Variants in KATNA1 observed in about 807,000 individuals in gnomAD.
KATNA1 encodes the protein katanin catalytic subunit A1.
Under a neutral mutation model 62.6 loss-of-function variants are expected in KATNA1, and 42 were observed. That is an observed-to-expected ratio of 0.67 (90% CI 0.52 to 0.87). The LOEUF (loss-of-function observed/expected upper bound fraction) is 0.87. Ranked by LOEUF, KATNA1 falls within the 40% of genes least tolerant of loss-of-function variation. KATNA1 has a pLI of 0.00. For missense variants in KATNA1, 498 were observed against 612.5 expected, an observed-to-expected ratio of 0.81 and a Z score of 1.97; for synonymous variants, 186 against 201.9, an observed-to-expected ratio of 0.92 and a Z score of 0.67.
At chr6:149,626,292 C>CTTGTTTTTTTTTTT (rs1779604461) in intron 3 of KATNA1, among the ~76,000 whole-genome samples, 1 of 88,726 alleles carries the variant, frequency 1.1e-5, no homozygotes, top group African/African-American at 5.3e-5. Flanking sequence ...ATAACATTTA[C>CTTGTTTTTTTTTTT]TTTTTTTTTT....
intron 9 of KATNA1, 138 bp downstream of exon 9, chr6:149,597,369 A>C (rs1315221292): frequency 2.3e-5 from 27 of 1,193,434 alleles, no homozygotes; most frequent in Non-Finnish European, 1.5e-5. Context: ...ATTAAGGCAT[A>C]TAGCCAAACT....
chr6:149,607,955 G>T (rs1413119928), intron 4 of KATNA1, among the ~76,000 whole-genome samples: 1 of 151,932 alleles, frequency 6.6e-6, no homozygotes, highest in African/African-American at 2.4e-5. Context: ...AATCCCAGCT[G>T]CTCGGGAGGC....
At chr6:149,595,923 T>C (rs932352660) in intron 10 of KATNA1, among the ~76,000 whole-genome samples, 2 of 152,220 alleles carry the variant, frequency 1.3e-5, no homozygotes, top group Non-Finnish European at 2.9e-5. Flanking sequence ...ATTAAAGACA[T>C]TCTTTTTTTC....
intron 7 of KATNA1, among the ~76,000 whole-genome samples, chr6:149,600,215 AAAAAAG>A (rs1322391222): frequency 9.9e-5 from 15 of 150,776 alleles, no homozygotes; most frequent in Non-Finnish European, 1.8e-4. Flanking sequence ...AAAAAAAAAA[AAAAAAG>A]CTGAACACAA....
intron 1 of KATNA1, among the ~76,000 whole-genome samples, chr6:149,645,884 T>A (rs1299737307): frequency 1.3e-5 from 2 of 152,134 alleles, no homozygotes; most frequent in Admixed American, 1.3e-4. Context: ...AGTTTTTTTT[T>A]TTCTCCTCTA....
chr6:149,607,770 A>C, intron 4 of KATNA1, among the ~76,000 whole-genome samples: 1 of 152,142 alleles, frequency 6.6e-6, no homozygotes, highest in East Asian at 1.9e-4. Flanking sequence ...CCTTGGGTTT[A>C]AAACTAGTTC....
At chr6:149,642,408 C>T (rs1447376592) in intron 1 of KATNA1, among the ~76,000 whole-genome samples, 1 of 152,118 alleles carries the variant, frequency 6.6e-6, no homozygotes, top group Non-Finnish European at 1.5e-5. Context: ...TGTATATATA[C>T]ACCCCATGAC....
intron 6 of KATNA1, 180 bp from the exon 7 acceptor site, chr6:149,601,932 G>T (rs966538727): frequency 2.2e-6 from 1 of 452,984 alleles, no homozygotes; most frequent in African/African-American, 2.0e-5. Flanking sequence ...TAAAAAAGAA[G>T]ATAACCACAT....
rs73606739 is a variant in KATNA1 at position 149,625,245 on chromosome 6, T to G, written c.321-1962A>C. ...CTGATAAAGAAAACACAGAAAGCAG[T>G]GAGATGTTTGTGATTACAAATATCA... On this transcript the variant is annotated intron_variant, in intron 3 of 10. Transcript: ENST00000367411. Among the ~76,000 whole-genome samples, 723 of 152,264 alleles carry G rather than the reference T, an allele frequency of 4.7e-3. 7 individuals carry two copies. The highest frequency in any genetic ancestry group is 0.017 in the African/African-American group (708 of 41,562).
In KATNA1 at chr6:149,606,681, C is replaced by T. The variant is rs151288450; in HGVS notation, c.502-1899G>A. Among the ~76,000 whole-genome samples, 59 of 150,474 alleles carry T rather than the reference C, an allele frequency of 3.9e-4. No homozygotes were observed. In the East Asian group the frequency reaches 0.011, roughly 28 times the overall value. ...TTGCCCAGGCTGGAGTGCAGTGGCA[C>T]GATCTTGGCTCACTGCAACCTCTGC... On this transcript the variant is annotated intron_variant, in intron 4 of 10. Transcript: ENST00000367411.
At chr6:149,625,165 C>T (rs1779559635) in intron 3 of KATNA1, among the ~76,000 whole-genome samples, 1 of 152,092 alleles carries the variant, frequency 6.6e-6, no homozygotes, top group African/African-American at 2.4e-5. Context: ...TAACTGCCAA[C>T]AAGGATCCAC....
rs1029425512 is a variant in KATNA1, at chr6:149,594,952, A to T, written c.*84T>A. 1 of 1,048,550 alleles carries T rather than the reference A, an allele frequency of 9.5e-7. No homozygotes were observed. The highest frequency in any genetic ancestry group is 1.6e-5 in the African/African-American group (1 of 61,830). 65.0% of individuals were successfully genotyped at this position (1,048,550 alleles called of 1,614,324 possible). On this transcript the variant is annotated 3_prime_UTR_variant, in exon 11 of 11. Coordinates refer to ENST00000367411, the MANE Select transcript of KATNA1 (RefSeq NM_007044.4). ...AATCTTACCATTATGAAAGTTAAAAAAAATATAGCACTCAGTACAATGAAT... is the reference window on the plus strand; with the variant it reads ...AATCTTACCATTATGAAAGTTAAAATAAATATAGCACTCAGTACAATGAAT...
At chr6:149,599,204 T>C (rs1562279162) in intron 7 of KATNA1, among the ~76,000 whole-genome samples, 1 of 152,196 alleles carries the variant, frequency 6.6e-6, no homozygotes, top group Non-Finnish European at 1.5e-5. Context: ...TGGGTCTTTA[T>C]GTATAAATAT....
intron 10 of KATNA1, 121 bp downstream of exon 10, chr6:149,596,942 C>A (rs1308919871): frequency 6.5e-6 from 6 of 917,504 alleles, no homozygotes; most frequent in Non-Finnish European, 9.9e-6. Context: ...TAAGCTGTGA[C>A]TGCGCCTCTA....
chr6:149,602,757 T>C (rs1778597987), intron 6 of KATNA1, among the ~76,000 whole-genome samples: 1 of 151,652 alleles, frequency 6.6e-6, no homozygotes, highest in Admixed American at 6.6e-5. Context: ...GTTTCGCTCT[T>C]GTTGCCCAGG....
At chr6:149,634,275 A>AAAAAT (rs377557364) in intron 2 of KATNA1, among the ~76,000 whole-genome samples, 14,718 of 133,946 alleles carry the variant, frequency 0.11, 1,009 homozygotes, top group Middle Eastern at 0.15. Flanking sequence ...TCCATCTCAA[A>AAAAAT]AAAATAAAAT....
Sources: allele counts gnomAD v4.1 joint callset (sites outside exome capture counted in the v4.1 genomes callset), GRCh38; gene constraint gnomAD v4.1.1; transcripts MANE v1.5; gene names NCBI Gene and HGNC (gene_info 2026-07-23, HGNC 2026-07-21).